Variants in TLL1 observed in about 807,000 individuals in gnomAD.
TLL1 encodes tolloid-like protein 1.
Under a neutral mutation model 128.2 loss-of-function variants are expected in TLL1, and 49 were observed. That is an observed-to-expected ratio of 0.38 (90% CI 0.30 to 0.48). The LOEUF (loss-of-function observed/expected upper bound fraction) is 0.48, where lower values mean the gene tolerates loss of function less well. Ranked by LOEUF, TLL1 falls within the 20% of genes least tolerant of loss-of-function variation. The pLI, the probability that TLL1 is intolerant of heterozygous loss-of-function variation, is 0.96. For synonymous variants in TLL1, 454 were observed against 418.8 expected (o/e 1.08, Z -1.03); for missense variants, 1,123 against 1,242.0 (o/e 0.90, Z 1.44).
intron 1 of TLL1, among the ~76,000 whole-genome samples, chr4:165,909,395 C>T (rs1732421285): frequency 6.6e-6 from 1 of 152,118 alleles, no homozygotes; most frequent in Admixed American, 6.6e-5. Context: ...AGAGGAGAGT[C>T]ATGAATTTAG....
At position 166,077,951 on chromosome 4, in the gene TLL1, C is replaced by T; in HGVS notation, c.2363C>T (p.Pro788Leu). The change falls in exon 18 of 21, where the codon CCC (proline) becomes CTC (leucine). Residue 788 changes from proline to leucine, a missense_variant. By Grantham distance (98) the Pro-to-Leu change is moderately conservative. This residue lies in a region of TLL1 where 634 missense variants were observed against 672.4 expected (regional missense o/e 0.94). Transcript: ENST00000061240. ...AGTCCAAGTGGCCTCATCACCAGTC[C>T]CAACTGGCCAGACAAGTACCCAAGC... ...IHSPSGLITS[P>L]NWPDKYPSRK... The T allele has an allele frequency of 6.2e-7, 1 of 1,613,566 alleles. No homozygotes were observed.
intron 5 of TLL1, among the ~76,000 whole-genome samples, chr4:165,998,192 C>A (rs970198154): frequency 1.3e-5 from 2 of 152,056 alleles, no homozygotes; most frequent in African/African-American, 2.4e-5. Context: ...TTATTATTAG[C>A]AAAATGTGAG....
chr4:165,887,097 G>C (rs143912986), intron 1 of TLL1, among the ~76,000 whole-genome samples: 1 of 152,212 alleles, frequency 6.6e-6, no homozygotes, highest in African/African-American at 2.4e-5. Context: ...GAAAAATAGT[G>C]TAAAGGGATC....
intron 12 of TLL1, among the ~76,000 whole-genome samples, chr4:166,053,873 A>G (rs1157208832): frequency 6.6e-6 from 1 of 152,076 alleles, no homozygotes; most frequent in Non-Finnish European, 1.5e-5. Context: ...TAAGCAGTTG[A>G]CTCTTTGAAG....
chr4:165,889,704 T>G (rs1263318558), intron 1 of TLL1, among the ~76,000 whole-genome samples: 1 of 152,234 alleles, frequency 6.6e-6, no homozygotes, highest in Non-Finnish European at 1.5e-5. Flanking sequence ...TTTTGATGCT[T>G]AGGTGATACT....
chr4:165,933,893 C>A (rs1418556635), intron 1 of TLL1, among the ~76,000 whole-genome samples: 2 of 152,164 alleles, frequency 1.3e-5, no homozygotes, highest in Non-Finnish European at 1.5e-5. Context: ...GAGTCCTCTG[C>A]TGCTCCTCTT....
intron 1 of TLL1, among the ~76,000 whole-genome samples, chr4:165,902,163 AT>A (rs35653560): frequency 0.032 from 4,884 of 152,178 alleles, 105 homozygotes; most frequent in Non-Finnish European, 0.049. Flanking sequence ...AAGCCAGTGG[AT>A]TTTAGCTTGC....
chr4:166,051,826 A>G (rs1034607257), intron 12 of TLL1, among the ~76,000 whole-genome samples: 3 of 152,172 alleles, frequency 2.0e-5, no homozygotes, highest in South Asian at 2.1e-4. Context: ...TGTGGCATTC[A>G]CTGTGTGAGA....
chr4:165,955,055 A>G (rs767086697), intron 1 of TLL1, among the ~76,000 whole-genome samples: 4 of 152,100 alleles, frequency 2.6e-5, no homozygotes, highest in Non-Finnish European at 5.9e-5. Flanking sequence ...GAGTTGAAAG[A>G]CAGCGTAGCC....
At chr4:165,975,892 G>T (rs35361014) in intron 1 of TLL1, among the ~76,000 whole-genome samples, 3 of 151,810 alleles carry the variant, frequency 2.0e-5, no homozygotes, top group African/African-American at 7.3e-5. Flanking sequence ...ACAAAACTTA[G>T]CTGGGCGTGG....
chr4:166,035,182 A>C (rs375005794), intron 9 of TLL1, among the ~76,000 whole-genome samples: 8 of 152,196 alleles, frequency 5.3e-5, no homozygotes, highest in African/African-American at 1.7e-4. Flanking sequence ...TCAAAATTTC[A>C]AAGTCAGATG....
chr4:166,046,019 CTG>C (rs1279210371), intron 12 of TLL1, among the ~76,000 whole-genome samples: 1 of 152,166 alleles, frequency 6.6e-6, no homozygotes, highest in African/African-American at 2.4e-5. Context: ...TGTTTATTAT[CTG>C]TCTCTCTCAC....
intron 1 of TLL1, among the ~76,000 whole-genome samples, chr4:165,895,530 A>G (rs1332073167): frequency 2.6e-5 from 4 of 151,424 alleles, no homozygotes; most frequent in African/African-American, 2.4e-5. Flanking sequence ...CACTTTGTTC[A>G]TCAATTGGAA....
intron 1 of TLL1, among the ~76,000 whole-genome samples, chr4:165,910,941 A>G (rs1732499925): frequency 6.6e-6 from 1 of 152,168 alleles, no homozygotes; most frequent in Non-Finnish European, 1.5e-5. Context: ...TGTGGGGTAC[A>G]TGTGATATTT....
intron 8 of TLL1, among the ~76,000 whole-genome samples, chr4:166,023,947 C>A (rs1738368591): frequency 1.3e-5 from 2 of 151,904 alleles, no homozygotes; most frequent in Non-Finnish European, 2.9e-5. Context: ...ACTCAACTCC[C>A]AAATCATTGT....
intron 1 of TLL1, among the ~76,000 whole-genome samples, chr4:165,897,033 GC>G (rs1298539877): frequency 1.4e-4 from 21 of 152,026 alleles, no homozygotes; most frequent in African/African-American, 5.1e-4. Flanking sequence ...ATGTTTCTTG[GC>G]CACATAAATG....
chr4:166,042,138 A>G lies in TLL1; in HGVS notation c.1373A>G (p.Tyr458Cys). ...GTAGGAAAAGGCTTTGCAGCTGTCTATGAAGGTAAGTCACATTGAATTTTA... is the reference window on the plus strand; with the variant it reads ...GTAGGAAAAGGCTTTGCAGCTGTCTGTGAAGGTAAGTCACATTGAATTTTA... ...NWVGKGFAAVYEAICGGEIRK... is the reference protein window; with the variant it reads ...NWVGKGFAAVCEAICGGEIRK... Residue 458 changes from tyrosine to cysteine, a missense_variant, in exon 11 of 21, where the codon TAT (tyrosine) becomes TGT (cysteine). Around this residue, in one of 3 missense-constraint regions of TLL1, gnomAD observed 634 missense variants for 672.4 expected, o/e 0.94. Transcript: ENST00000061240. The G allele has an allele frequency of 3.1e-6, 5 of 1,604,226 alleles. No individual in the cohort carries two copies. Among genetic ancestry groups the G allele is most frequent in the Middle Eastern group, 1.7e-4 (1 of 6,012 alleles).
chr4:165,989,365 A>T lies in TLL1; in HGVS notation c.170-16A>T. 6.4e-7 allele frequency: 1 copy of T among 1,565,874 alleles called. No homozygotes were observed. The highest frequency in any genetic ancestry group is 1.4e-5 in the African/African-American group (1 of 73,988). On this transcript the variant is annotated splice_polypyrimidine_tract_variant and intron_variant, in intron 1 of 20. Coordinates refer to ENST00000061240, the MANE Select transcript of TLL1 (RefSeq NM_012464.5). ...CGGAAATATTTTACATTTTAATTCAACTTTTCTTTTTTTAGCTGTATTTTG... is the reference window on the plus strand; with the variant it reads ...CGGAAATATTTTACATTTTAATTCATCTTTTCTTTTTTTAGCTGTATTTTG...
In TLL1 at chr4:165,874,110, G is replaced by A. The variant is rs372665288; in HGVS notation, c.169+37G>A. ...TCCAGGTTGGGACGGTGGCGCGCCG[G>A]GGGCCGCTGCGCTGGGTTTCCCATG... On this transcript the variant is annotated intron_variant, in intron 1 of 20. Coordinates refer to ENST00000061240, the MANE Select transcript of TLL1 (RefSeq NM_012464.5). 2.4e-4 allele frequency: 381 copies of A among 1,613,196 alleles called. 6 individuals carry two copies. In the South Asian group the frequency reaches 3.9e-3, roughly 16 times the overall value.
Sources: allele counts gnomAD v4.1 joint callset (sites outside exome capture counted in the v4.1 genomes callset), GRCh38; gene constraint gnomAD v4.1.1; regional missense constraint gnomAD v4.1.1; transcripts MANE v1.5; gene names NCBI Gene and HGNC (gene_info 2026-07-23, HGNC 2026-07-21).